Variants in SLC35B4 observed in about 807,000 individuals in gnomAD.
SLC35B4 encodes the protein solute carrier family 35 member B4, also known as nucleotide sugar transporter SLC35B4.
SLC35B4 carries 28 observed loss-of-function variants against 39.5 expected under a neutral mutation model. The observed-to-expected ratio is 0.71, with a 90% CI of 0.53 to 0.97. The LOEUF is 0.97. SLC35B4 is among the 50% of genes least tolerant of loss of function. The pLI is 0.00. For missense variants in SLC35B4, 334 were observed against 414.3 expected, an observed-to-expected ratio of 0.81 and a Z score of 1.68; for synonymous variants, 145 against 150.4, an observed-to-expected ratio of 0.96 and a Z score of 0.26.
At position 134,309,417 on chromosome 7, in the gene SLC35B4, C is replaced by G. The variant is rs758819519; in HGVS notation, c.140G>C (p.Gly47Ala). The G allele has an allele frequency of 6.2e-7, 1 of 1,611,588 alleles. No individual in the cohort carries two copies. Among genetic ancestry groups the G allele is most frequent in the Non-Finnish European group, 8.5e-7 (1 of 1,179,594 alleles). ...FAQFLFIAVEGFLFEADLGRK... is the reference protein window; with the variant it reads ...FAQFLFIAVEAFLFEADLGRK... Reference sequence around the variant, plus strand: ...TCCCAAATCAGCTTCAAAGAGGAAGCCTTCCACAGCAATAAATAAAAATTG... The same window carrying G: ...TCCCAAATCAGCTTCAAAGAGGAAGGCTTCCACAGCAATAAATAAAAATTG... The change falls in exon 2 of 10, where the codon GGC (glycine) becomes GCC (alanine). Residue 47 changes from glycine to alanine, a missense_variant. Gly to Ala is a moderately conservative substitution (Grantham distance 60). Transcript: ENST00000378509.
intron 7 of SLC35B4, 53 bp from the exon 8 acceptor site, chr7:134,299,651 AT>A: frequency 7.0e-7 from 1 of 1,430,284 alleles, no homozygotes; most frequent in East Asian, 2.3e-5. Context: ...TTATAGAATA[AT>A]TAGAGTAGCT....
intron 3 of SLC35B4, among the ~76,000 whole-genome samples, chr7:134,306,354 A>G (rs1419677113): frequency 1.3e-5 from 2 of 152,212 alleles, no homozygotes; most frequent in African/African-American, 4.8e-5. Context: ...AATAAGTTAA[A>G]TAACATTAAT....
chr7:134,296,584 A>C (rs1803470994), intron 8 of SLC35B4, 118 bp from the exon 9 acceptor site: 1 of 691,080 alleles, frequency 1.4e-6, no homozygotes, highest in Non-Finnish European at 2.5e-6. Flanking sequence ...CTTCCTTGCA[A>C]ATAGAATTGG....
intron 9 of SLC35B4, among the ~76,000 whole-genome samples, chr7:134,295,490 C>T (rs192489983): frequency 2.0e-5 from 3 of 152,162 alleles, no homozygotes; most frequent in Non-Finnish European, 1.5e-5. Flanking sequence ...AGGTCAATCT[C>T]GATTCGTTTC....
intron 1 of SLC35B4, among the ~76,000 whole-genome samples, chr7:134,311,452 T>C (rs543187969): frequency 1.2e-3 from 184 of 152,258 alleles, no homozygotes; most frequent in African/African-American, 4.1e-3. Context: ...GGTCAGGAGT[T>C]CGAGACCAGC....
rs1198363773 is a variant in SLC35B4 at position 134,293,139 on chromosome 7, CACAT to C, written c.*1690_*1693del. On this transcript the variant is annotated 3_prime_UTR_variant, in exon 10 of 10. Transcript: ENST00000378509. ...ACACAATGTGTGCACCACACACACA[CACAT>C]ACATACACACACACACACACAGTCT... 8.1e-6 allele frequency: 1 copy of C among 123,092 alleles called. No homozygotes were observed. Among genetic ancestry groups the C allele is most frequent in the Non-Finnish European group, 1.8e-5 (1 of 56,050 alleles). The allele number at this position is 123,092 out of a possible 1,614,324, so 7.6% of individuals were successfully genotyped here.
chr7:134,301,282 A>G (rs893498982), intron 6 of SLC35B4, among the ~76,000 whole-genome samples: 6 of 152,212 alleles, frequency 3.9e-5, no homozygotes, highest in African/African-American at 1.4e-4. Flanking sequence ...AGATCCTTGT[A>G]TTTTTAAAAA....
At chr7:134,309,026 C>T (rs1803773598) in intron 2 of SLC35B4, among the ~76,000 whole-genome samples, 1 of 152,164 alleles carries the variant, frequency 6.6e-6, no homozygotes, top group African/African-American at 2.4e-5. Flanking sequence ...CAAGGATACT[C>T]CCCTTTTAGA....
chr7:134,309,886 T>G (rs1803795457), intron 1 of SLC35B4, among the ~76,000 whole-genome samples: 1 of 152,202 alleles, frequency 6.6e-6, no homozygotes, highest in African/African-American at 2.4e-5. Context: ...TGCTCAGGTC[T>G]CCTGGAATGT....
chr7:134,309,336 A>C (rs1803780110), intron 2 of SLC35B4, 30 bp downstream of exon 2: 3 of 1,450,458 alleles, frequency 2.1e-6, no homozygotes, highest in Admixed American at 4.6e-5. Flanking sequence ...AAAAAATCCA[A>C]AAGCTAAAAG....
upstream of SLC35B4, among the ~76,000 whole-genome samples, chr7:134,319,901 C>G (rs1408800888): frequency 6.6e-6 from 1 of 152,110 alleles, no homozygotes; most frequent in Non-Finnish European, 1.5e-5. Flanking sequence ...CTTTCTTGTC[C>G]ATTCCCATTG....
At chr7:134,306,586 A>G (rs1803714265) in intron 3 of SLC35B4, 86 bp downstream of exon 3, 3 of 1,102,828 alleles carry the variant, frequency 2.7e-6, no homozygotes, top group Non-Finnish European at 2.6e-6. Context: ...TTACTACAAG[A>G]ACCTTCTAGT....
Position 134,296,404 on chromosome 7 carries a change from T to G in SLC35B4, c.736A>C (p.Asn246His). The change falls in exon 9 of 10, where the codon AAC (asparagine) becomes CAC (histidine). Residue 246 changes from asparagine (N) to histidine (H), a missense_variant. Coordinates refer to ENST00000378509, the MANE Select transcript of SLC35B4 (RefSeq NM_032826.5). ...TCCAAAGGATACTGAGTGATGATGT[T>G]CATGAGGAGGTAGAACCACATGATG... The part of the protein sequence containing the change: ...LPIMWFYLLM[N>H]IITQYVCIRG... The G allele has an allele frequency of 6.2e-7, 1 of 1,613,956 alleles. No individual in the cohort carries two copies. Among genetic ancestry groups the G allele is most frequent in the Non-Finnish European group, 8.5e-7 (1 of 1,179,884 alleles).
intron 1 of SLC35B4, among the ~76,000 whole-genome samples, chr7:134,311,547 C>T (rs1207239165): frequency 1.3e-5 from 2 of 152,024 alleles, no homozygotes; most frequent in Non-Finnish European, 1.5e-5. Flanking sequence ...CCCAGCTACT[C>T]GGGAGGCTGA....
intron 2 of SLC35B4, among the ~76,000 whole-genome samples, chr7:134,307,338 T>TA (rs33975579): frequency 0.022 from 3,112 of 141,690 alleles, 114 homozygotes; most frequent in African/African-American, 0.072. Context: ...AAACAAAAAC[T>TA]AAAAAAAAAA....
At chr7:134,314,205 G>C (rs1803917301) in intron 1 of SLC35B4, among the ~76,000 whole-genome samples, 1 of 152,078 alleles carries the variant, frequency 6.6e-6, no homozygotes, top group Non-Finnish European at 1.5e-5. Flanking sequence ...AAATATATCT[G>C]TATTGAAACC....
At chr7:134,295,585 T>C (rs754870661) in intron 9 of SLC35B4, among the ~76,000 whole-genome samples, 2 of 152,226 alleles carry the variant, frequency 1.3e-5, no homozygotes, top group African/African-American at 4.8e-5. Context: ...TTGATTACTT[T>C]GAAATTTCTT....
chr7:134,307,801 A>G (rs1803743042), intron 2 of SLC35B4, among the ~76,000 whole-genome samples: 1 of 152,232 alleles, frequency 6.6e-6, no homozygotes, highest in Admixed American at 6.5e-5. Flanking sequence ...CAGGCAGTCA[A>G]GCCAAGGCTG....
Position 134,309,349 on chromosome 7 carries a change from ACT to A in SLC35B4, c.191+15_191+16del, listed in dbSNP as rs1319934027. On this transcript the variant is annotated intron_variant, in intron 2 of 9. Transcript: ENST00000378509. ...TTAAAAAATCCAAAAGCTAAAAGAG[ACT>A]CTAATGTACCATACCTTATTGGGAT... The A allele has an allele frequency of 4.6e-6, 7 of 1,524,978 alleles. No individual in the cohort carries two copies. The South Asian group carries it at 8.5e-5, about 18-fold the overall frequency. The allele number at this position is 1,524,978 out of a possible 1,614,324, so 94.5% of individuals were successfully genotyped here.
Sources: allele counts gnomAD v4.1 joint callset (sites outside exome capture counted in the v4.1 genomes callset), GRCh38; gene constraint gnomAD v4.1.1; transcripts MANE v1.5; gene names NCBI Gene and HGNC (gene_info 2026-07-23, HGNC 2026-07-21).